Variants in MEI4 observed in about 807,000 individuals in gnomAD.
MEI4 encodes the protein meiosis-specific protein MEI4.
In MEI4, 27 loss-of-function variants were observed where a neutral mutation model predicts 31.4. The observed-to-expected ratio is 0.86, with a 90% CI of 0.63 to 1.19. MEI4 has a LOEUF of 1.19. Ranked by LOEUF, MEI4 falls within the 50% of genes most tolerant of loss-of-function variation. The probability of loss-of-function intolerance (pLI) is 0.00; values close to 1 mark genes in which losing one functional copy is unlikely to be tolerated. For synonymous variants in MEI4, 122 were observed against 145.4 expected, an observed-to-expected ratio of 0.84 and a Z score of 1.16; for missense variants, 329 against 398.9, an observed-to-expected ratio of 0.82 and a Z score of 1.49.
intron 4 of MEI4, among the ~76,000 whole-genome samples, chr6:77,863,394 C>T (rs1035327867): frequency 1.3e-5 from 2 of 151,814 alleles, no homozygotes; most frequent in African/African-American, 2.4e-5. Context: ...CTTAAAGGAC[C>T]GATGGAGCTG....
At chr6:77,671,572 T>A (rs547676159) in intron 1 of MEI4, among the ~76,000 whole-genome samples, 1 of 152,320 alleles carries the variant, frequency 6.6e-6, no homozygotes, top group South Asian at 2.1e-4. Flanking sequence ...GATAAATGCA[T>A]AAAAATTTTT....
intron 4 of MEI4, among the ~76,000 whole-genome samples, chr6:77,875,826 G>A (rs1459470132): frequency 1.3e-5 from 2 of 152,068 alleles, no homozygotes; most frequent in Non-Finnish European, 2.9e-5. Context: ...TGGCACTTTG[G>A]GGGAACTCTA....
At chr6:77,753,374 A>T (rs1184571137) in intron 2 of MEI4, among the ~76,000 whole-genome samples, 1 of 152,218 alleles carries the variant, frequency 6.6e-6, no homozygotes, top group Non-Finnish European at 1.5e-5. Context: ...GCTAATATCC[A>T]GAATCTACAA....
At chr6:77,867,527 A>G (rs141263251) in intron 4 of MEI4, among the ~76,000 whole-genome samples, 1,545 of 152,304 alleles carry the variant, frequency 0.01, 26 homozygotes, top group African/African-American at 0.034. Flanking sequence ...ATACCACCTC[A>G]CTCCAGTTAG....
intron 2 of MEI4, among the ~76,000 whole-genome samples, chr6:77,706,149 C>T (rs907779453): frequency 1.3e-5 from 2 of 152,268 alleles, no homozygotes; most frequent in South Asian, 2.1e-4. Flanking sequence ...AATTAGAACC[C>T]CTTCCTGTAA....
intron 3 of MEI4, among the ~76,000 whole-genome samples, chr6:77,806,214 C>A (rs116099495): frequency 0.012 from 1,805 of 152,124 alleles, 42 homozygotes; most frequent in African/African-American, 0.041. Flanking sequence ...TTGCTTTGGG[C>A]TTTACGAAAA....
chr6:77,760,281 ATATC>A (rs1561978311), intron 2 of MEI4, among the ~76,000 whole-genome samples: 1 of 152,084 alleles, frequency 6.6e-6, no homozygotes, highest in Admixed American at 6.6e-5. Flanking sequence ...AGATATGTAG[ATATC>A]TATATATATT....
At chr6:77,693,277 T>C (rs1769193995) in intron 2 of MEI4, among the ~76,000 whole-genome samples, 1 of 152,068 alleles carries the variant, frequency 6.6e-6, no homozygotes, top group South Asian at 2.1e-4. Flanking sequence ...TTTTCTTTAT[T>C]TTTTCCTGTA....
intron 4 of MEI4, among the ~76,000 whole-genome samples, chr6:77,840,589 T>C (rs1225857402): frequency 1.3e-5 from 2 of 152,130 alleles, no homozygotes; most frequent in Non-Finnish European, 2.9e-5. Flanking sequence ...CTTTCTCCTT[T>C]TATATTTAAT....
Position 77,761,159 on chromosome 6 carries a change from G to T in MEI4, c.262G>T (p.Glu88Ter). 1 of 1,231,972 alleles carries T rather than the reference G, an allele frequency of 8.1e-7. No individual in the cohort carries two copies. 76.3% of individuals were successfully genotyped at this position (1,231,972 alleles called of 1,614,324 possible). A position where few individuals can be genotyped will look rare whatever the true frequency, so the allele number is the denominator to read the frequency against. Residue 88 changes from glutamate to a stop codon, truncating the protein, a stop_gained, in exon 3 of 5, where the codon GAA becomes TAA. Transcript: ENST00000684080. LOFTEE classifies it high-confidence loss of function. The part of the protein sequence containing the change: ...GYVSSQLEAQ[E>*]PKSSESTLTS... ...CGTTTCCTCCCAGTTGGAGGCTCAG[G>T]AACCTAAGAGTTCTGAAAGTACATT...
intron 4 of MEI4, among the ~76,000 whole-genome samples, chr6:77,842,383 T>C (rs1458483840): frequency 1.3e-5 from 2 of 152,146 alleles, no homozygotes; most frequent in Non-Finnish European, 2.9e-5. Flanking sequence ...TGATAATTTA[T>C]GAGATGCATT....
intron 4 of MEI4, among the ~76,000 whole-genome samples, chr6:77,914,611 A>G (rs541280311): frequency 1.3e-5 from 2 of 152,186 alleles, no homozygotes; most frequent in African/African-American, 4.8e-5. Context: ...TGTTCAGTTT[A>G]AATCCAATGT....
At chr6:77,657,275 T>C (rs1045272313) in intron 1 of MEI4, among the ~76,000 whole-genome samples, 1 of 152,236 alleles carries the variant, frequency 6.6e-6, no homozygotes, top group East Asian at 1.9e-4. Context: ...CTTCAGAGAA[T>C]AGTTCAAGTG....
intron 2 of MEI4, among the ~76,000 whole-genome samples, chr6:77,715,059 C>T (rs1309045809): frequency 6.6e-6 from 1 of 152,092 alleles, no homozygotes; most frequent in African/African-American, 2.4e-5. Flanking sequence ...CATTGCAACA[C>T]CTAACATGGG....
chr6:77,756,434 T>C (rs778811142), intron 2 of MEI4, among the ~76,000 whole-genome samples: 23 of 152,172 alleles, frequency 1.5e-4, no homozygotes, highest in Non-Finnish European at 2.5e-4. Context: ...CTATTTGTAG[T>C]TGTCAGAGTT....
chr6:77,862,453 A>T (rs1582226699), intron 4 of MEI4, among the ~76,000 whole-genome samples: 2 of 152,358 alleles, frequency 1.3e-5, no homozygotes, highest in East Asian at 3.9e-4. Flanking sequence ...AGAGGGTCCT[A>T]TGCCCATGGA....
chr6:77,761,034 C>A, intron 2 of MEI4, 96 bp from the exon 3 acceptor site: 2 of 839,478 alleles, frequency 2.4e-6, no homozygotes, highest in Non-Finnish European at 3.2e-6. Flanking sequence ...TATTTATATA[C>A]TTCATTTCTT....
At chr6:77,892,857 C>A (rs1765998345) in intron 4 of MEI4, among the ~76,000 whole-genome samples, 1 of 151,958 alleles carries the variant, frequency 6.6e-6, no homozygotes, top group Non-Finnish European at 1.5e-5. Flanking sequence ...TGGCTCCATG[C>A]TGCATCTGCT....
chr6:77,872,355 G>A (rs1771214759), intron 4 of MEI4, among the ~76,000 whole-genome samples: 1 of 152,164 alleles, frequency 6.6e-6, no homozygotes, highest in South Asian at 2.1e-4. Context: ...CAGGGCAGGA[G>A]GATTGCTTGA....
Sources: allele counts gnomAD v4.1 joint callset (sites outside exome capture counted in the v4.1 genomes callset), GRCh38; gene constraint gnomAD v4.1.1; transcripts MANE v1.5; gene names NCBI Gene and HGNC (gene_info 2026-07-23, HGNC 2026-07-21).